Variants in MAF observed in about 807,000 individuals in gnomAD.
The protein encoded by MAF is transcription factor Maf.
In MAF, 10 loss-of-function variants were observed where a neutral mutation model predicts 22.0. The ratio of observed to expected loss-of-function variants is 0.45; its 90% CI spans 0.28 to 0.77. The LOEUF is 0.77. Among genes scored for constraint, MAF ranks in the 30% least tolerant of loss-of-function variants. The pLI is 0.12. For missense variants in MAF, 544 were observed against 548.4 expected, an observed-to-expected ratio of 0.99 and a Z score of 0.08; for synonymous variants, 337 against 255.8, an observed-to-expected ratio of 1.32 and a Z score of -3.03.
the MAF span, among the ~76,000 whole-genome samples, chr16:79,506,269 G>T: frequency 1.3e-5 from 2 of 152,126 alleles, no homozygotes; most frequent in Non-Finnish European, 2.9e-5. Context: ...GATGCCTTCT[G>T]TAGCCTCATT....
At chr16:79,256,084 CAA>C in the MAF span, among the ~76,000 whole-genome samples, 1 of 148,156 alleles carries the variant, frequency 6.7e-6, no homozygotes, top group East Asian at 2.0e-4. Context: ...TGGGTTCAAG[CAA>C]TTCTCCTGCC....
At chr16:79,367,472 G>A in the MAF span, among the ~76,000 whole-genome samples, 1 of 152,190 alleles carries the variant, frequency 6.6e-6, no homozygotes, top group Non-Finnish European at 1.5e-5. Context: ...TCTAGGCTTT[G>A]AATCCAAGAC....
At chr16:79,256,405 G>A in the MAF span, among the ~76,000 whole-genome samples, 2 of 152,146 alleles carry the variant, frequency 1.3e-5, no homozygotes, top group African/African-American at 2.4e-5. Context: ...CAGGTAAGGA[G>A]AATGAATTTC....
chr16:79,349,068 G>A, the MAF span, among the ~76,000 whole-genome samples: 1 of 152,216 alleles, frequency 6.6e-6, no homozygotes, highest in Non-Finnish European at 1.5e-5. Context: ...GCTAACATTT[G>A]TTGAGTACTC....
the MAF span, among the ~76,000 whole-genome samples, chr16:79,238,241 G>C: frequency 1.3e-5 from 2 of 152,094 alleles, no homozygotes; most frequent in South Asian, 2.1e-4. Flanking sequence ...CTTCATAACT[G>C]AATGCCAGCT....
chr16:79,525,199 G>A, the MAF span, among the ~76,000 whole-genome samples: 7 of 151,880 alleles, frequency 4.6e-5, no homozygotes, highest in Admixed American at 4.6e-4. Flanking sequence ...CTGACTTCCT[G>A]TTTTCATGAA....
the MAF span, among the ~76,000 whole-genome samples, chr16:79,333,542 T>G: frequency 1.3e-5 from 2 of 152,210 alleles, no homozygotes; most frequent in African/African-American, 4.8e-5. Context: ...TCAATTTTAT[T>G]TCCATGATTT....
At chr16:79,512,104 C>A in the MAF span, among the ~76,000 whole-genome samples, 2 of 152,182 alleles carry the variant, frequency 1.3e-5, no homozygotes, top group Non-Finnish European at 2.9e-5. Context: ...CCTGTAGAGA[C>A]AGCCTGCTTC....
chr16:79,365,255 G>C, the MAF span, among the ~76,000 whole-genome samples: 5,151 of 152,198 alleles, frequency 0.034, 257 homozygotes, highest in African/African-American at 0.12. Context: ...CCCCACGATA[G>C]GTAGGCCCTG....
At chr16:79,381,446 A>C in the MAF span, among the ~76,000 whole-genome samples, 3 of 152,168 alleles carry the variant, frequency 2.0e-5, no homozygotes, top group African/African-American at 7.2e-5. Context: ...AGGAAGAAAA[A>C]ACGAACTCTA....
the MAF span, among the ~76,000 whole-genome samples, chr16:79,208,714 C>G: frequency 6.6e-6 from 1 of 151,994 alleles, no homozygotes; most frequent in South Asian, 2.1e-4. Flanking sequence ...ACTAATGTGC[C>G]TCAGTCTTAT....
At chr16:79,357,374 T>C in the MAF span, among the ~76,000 whole-genome samples, 2 of 152,126 alleles carry the variant, frequency 1.3e-5, no homozygotes, top group African/African-American at 2.4e-5. Flanking sequence ...TGCTTGAACT[T>C]GGCAGCCAGA....
the MAF span, among the ~76,000 whole-genome samples, chr16:79,550,867 C>A: frequency 1.3e-5 from 2 of 152,088 alleles, no homozygotes. Flanking sequence ...GGGAGATTGG[C>A]ACAGATGGCT....
the MAF span, among the ~76,000 whole-genome samples, chr16:79,493,600 A>C: frequency 6.6e-6 from 1 of 152,228 alleles, no homozygotes; most frequent in African/African-American, 2.4e-5. Context: ...GGCATGAGCC[A>C]CTGTGCCCAG....
chr16:79,227,503 G>C, the MAF span, among the ~76,000 whole-genome samples: 3 of 151,998 alleles, frequency 2.0e-5, no homozygotes, highest in African/African-American at 7.2e-5. Flanking sequence ...TTCTGCCATG[G>C]TCGAGTAACG....
At chr16:79,551,282 A>C in the MAF span, among the ~76,000 whole-genome samples, 4 of 152,090 alleles carry the variant, frequency 2.6e-5, no homozygotes, top group African/African-American at 9.7e-5. Flanking sequence ...TCAGAAAGCC[A>C]AGCAGGAAGA....
chr16:79,461,620 C>T, the MAF span, among the ~76,000 whole-genome samples: 3 of 152,108 alleles, frequency 2.0e-5, no homozygotes, highest in African/African-American at 7.2e-5. Flanking sequence ...TGGTGATGTG[C>T]CTGGGAGAAG....
chr16:79,580,689 C>T, the MAF span, among the ~76,000 whole-genome samples: 1 of 152,064 alleles, frequency 6.6e-6, no homozygotes, highest in Non-Finnish European at 1.5e-5. Context: ...AATTCTTTCT[C>T]CTCCCCTACT....
the MAF span, among the ~76,000 whole-genome samples, chr16:79,520,702 A>G: frequency 2.6e-5 from 4 of 151,942 alleles, no homozygotes; most frequent in African/African-American, 7.3e-5. Context: ...TTCTGTCCCA[A>G]CCCTGTGCTT....
Sources: allele counts gnomAD v4.1 joint callset (sites outside exome capture counted in the v4.1 genomes callset), GRCh38; gene constraint gnomAD v4.1.1; transcripts MANE v1.5; gene names NCBI Gene and HGNC (gene_info 2026-07-23, HGNC 2026-07-21).